ERAP1: variants seen among roughly 807,000 people sequenced by gnomAD.
ERAP1 encodes endoplasmic reticulum aminopeptidase 1.
ERAP1 carries 86 observed loss-of-function variants against 103.7 expected under a neutral mutation model. That is an observed-to-expected ratio of 0.83 (90% CI 0.70 to 0.99). The LOEUF (loss-of-function observed/expected upper bound fraction) is 0.99, where lower values mean the gene tolerates loss of function less well. ERAP1 is among the 50% of genes least tolerant of loss of function. The pLI, the probability that ERAP1 is intolerant of heterozygous loss-of-function variation, is 0.00. For synonymous variants in ERAP1, 398 were observed against 402.4 expected (o/e 0.99, Z 0.13); for missense variants, 1,009 against 1,128.4 (o/e 0.89, Z 1.52).
the ERAP1 span, chr5:96,919,416 A>C: frequency 6.6e-6 from 1 of 152,370 alleles, no homozygotes; most frequent in East Asian, 1.9e-4. Context: ...AGCATAAGGA[A>C]ATTGAAAAAG....
chr5:96,895,233 T>G, the ERAP1 span: 6 of 1,512,820 alleles, frequency 4.0e-6, no homozygotes, highest in Non-Finnish European at 5.5e-6. Context: ...AATATTGAGT[T>G]TTTACCTCCT....
At chr5:96,835,141 G>A in the ERAP1 span, among the ~76,000 whole-genome samples, 1 of 152,220 alleles carries the variant, frequency 6.6e-6, no homozygotes, top group African/African-American at 2.4e-5. Context: ...GACACTGTCT[G>A]TGGCTTAAGA....
intron 18 of ERAP1, 107 bp from the exon 19 acceptor site, chr5:96,776,658 T>C (rs755260639): frequency 1.4e-5 from 21 of 1,483,398 alleles, no homozygotes; most frequent in Non-Finnish European, 1.8e-5. Flanking sequence ...AAATTCTATA[T>C]AGAAGGCAGT....
intron 19 of ERAP1, chr5:96,765,290 C>T (rs777551590): frequency 6.4e-7 from 1 of 1,566,874 alleles, no homozygotes; most frequent in South Asian, 1.1e-5. Context: ...GCAGCCTGAC[C>T]CAGATGAGAA....
chr5:96,767,402 A>G, intron 19 of ERAP1: 1 of 1,569,440 alleles, frequency 6.4e-7, no homozygotes, highest in Non-Finnish European at 8.8e-7. Context: ...CTTTACAGAT[A>G]TCTATGCTTA....
At chr5:96,899,687 T>C in the ERAP1 span, among the ~76,000 whole-genome samples, 1 of 152,222 alleles carries the variant, frequency 6.6e-6, no homozygotes, top group Admixed American at 6.5e-5. Flanking sequence ...ACAAAGGTGT[T>C]TCCCCTACTG....
At chr5:96,785,200 G>GAA (rs35568104) in intron 13 of ERAP1, 61 of 153,458 alleles carry the variant, frequency 4.0e-4, no homozygotes, top group African/African-American at 1.3e-3. Flanking sequence ...CATGGGGGAG[G>GAA]AAAAAAAAAG....
At chr5:96,792,528 A>G (rs1427265283) in intron 7 of ERAP1, among the ~76,000 whole-genome samples, 1 of 152,176 alleles carries the variant, frequency 6.6e-6, no homozygotes, top group Admixed American at 6.5e-5. Context: ...AACATTTCCA[A>G]TCATTGTCTG....
chr5:96,851,814 G>A, the ERAP1 span, among the ~76,000 whole-genome samples: 1 of 152,168 alleles, frequency 6.6e-6, no homozygotes, highest in African/African-American at 2.4e-5. Flanking sequence ...GGCACCAGAA[G>A]CACAGGACTG....
intron 12 of ERAP1, 29 bp downstream of exon 12, chr5:96,786,441 A>G (rs1237378750): frequency 2.1e-6 from 3 of 1,433,110 alleles, no homozygotes; most frequent in African/African-American, 1.4e-5. Flanking sequence ...TCCTCCTTGA[A>G]TTAACTAGTA....
chr5:96,847,036 T>C, the ERAP1 span, among the ~76,000 whole-genome samples: 2 of 149,146 alleles, frequency 1.3e-5, no homozygotes, highest in African/African-American at 4.9e-5. Context: ...CTCAAGAGTT[T>C]GAGACCAGCC....
intron 4 of ERAP1, 100 bp from the exon 5 acceptor site, chr5:96,795,262 T>A: frequency 2.0e-6 from 3 of 1,489,176 alleles, no homozygotes; most frequent in Non-Finnish European, 2.8e-6. Flanking sequence ...TTGTGGGATA[T>A]GGTTGCCAAT....
the ERAP1 span, among the ~76,000 whole-genome samples, chr5:96,851,312 G>A: frequency 2.6e-5 from 4 of 152,122 alleles, no homozygotes; most frequent in African/African-American, 9.7e-5. Context: ...CCTTAATCAG[G>A]CTGCACTGTG....
At chr5:96,769,440 C>T (rs770717008) in intron 19 of ERAP1, 5 of 144,520 alleles carry the variant, frequency 3.5e-5, no homozygotes, top group East Asian at 2.0e-4. Flanking sequence ...CAGTCCTGAT[C>T]GAGACAAGCT....
At chr5:96,766,837 T>C (rs1770166639) in intron 19 of ERAP1, among the ~76,000 whole-genome samples, 1 of 151,620 alleles carries the variant, frequency 6.6e-6, no homozygotes, top group South Asian at 2.1e-4. Context: ...CTTCTCTTTC[T>C]GTACTGATTC....
the ERAP1 span, among the ~76,000 whole-genome samples, chr5:96,929,993 A>T: frequency 6.6e-6 from 1 of 152,266 alleles, no homozygotes; most frequent in African/African-American, 2.4e-5. Flanking sequence ...TAAGCCTCCC[A>T]AGTGACTGAA....
At chr5:96,786,782 C>A (rs554717849) in intron 11 of ERAP1, 6 of 495,388 alleles carry the variant, frequency 1.2e-5, no homozygotes, top group African/African-American at 1.9e-5. Flanking sequence ...TTTGGACTCA[C>A]GTGAACCCTG....
chr5:96,824,970 G>T, the ERAP1 span, among the ~76,000 whole-genome samples: 2 of 152,218 alleles, frequency 1.3e-5, no homozygotes, highest in East Asian at 3.8e-4. Flanking sequence ...AGCCTGGGAA[G>T]TGGAGGCTGC....
rs1561666640 is a variant in ERAP1, at chr5:96,781,055, T to G, written c.2588+3A>C. ...TCACAGCACAATTTTTGGCACCACT[T>G]ACTTTTGTACAAGTTTGTTCCAGTT... On this transcript the variant is annotated splice_donor_region_variant and intron_variant, in intron 17 of 18. Coordinates refer to ENST00000443439, the MANE Select transcript of ERAP1 (RefSeq NM_001040458.3). 6.2e-7 allele frequency: 1 copy of G among 1,614,080 alleles called. No homozygotes were observed. The highest frequency in any genetic ancestry group is 1.1e-5 in the South Asian group (1 of 91,080).
Sources: gnomAD v4.1 joint callset for allele counts (sites outside exome capture counted in the v4.1 genomes callset) on GRCh38, gnomAD v4.1.1 for gene constraint, MANE v1.5 for transcripts, NCBI Gene and HGNC (gene_info 2026-07-23, HGNC 2026-07-21) for gene names.